The following CSE1L variants were observed in gnomAD, a reference collection of about 807,000 sequenced individuals.
CSE1L encodes exportin-2.
Under a neutral mutation model 120.4 loss-of-function variants are expected in CSE1L, and 24 were observed. The observed-to-expected ratio is 0.20, with a 90% CI of 0.14 to 0.28. CSE1L has a LOEUF of 0.28. Ranked by LOEUF, CSE1L falls within the 10% of genes least tolerant of loss-of-function variation. The pLI is 1.00. For missense variants in CSE1L, 830 were observed against 1,145.2 expected, an observed-to-expected ratio of 0.72 and a Z score of 3.97; for synonymous variants, 402 against 398.3, an observed-to-expected ratio of 1.01 and a Z score of -0.11.
chr20:49,087,930 G>A (rs576828169), intron 16 of CSE1L, 79 bp from the exon 17 acceptor site: 13 of 883,998 alleles, frequency 1.5e-5, no homozygotes, highest in Middle Eastern at 2.8e-4. Context: ...GAATTAGTGC[G>A]CTTTTTTCCC....
chr20:49,088,586 G>T (rs1462741858), intron 17 of CSE1L, among the ~76,000 whole-genome samples: 1 of 152,088 alleles, frequency 6.6e-6, no homozygotes, highest in Non-Finnish European at 1.5e-5. Context: ...AAATAAATCC[G>T]TTTAAGGCTG....
At chr20:49,051,500 G>A (rs7509369) in intron 1 of CSE1L, among the ~76,000 whole-genome samples, 54,907 of 152,070 alleles carry the variant, frequency 0.36, 10,743 homozygotes, top group African/African-American at 0.53. Flanking sequence ...CTGAGATCAC[G>A]CCACTGCACT....
At chr20:49,083,988 C>T in intron 14 of CSE1L, 38 bp from the exon 15 acceptor site, 1 of 1,580,050 alleles carries the variant, frequency 6.3e-7, no homozygotes, top group Non-Finnish European at 8.7e-7. Flanking sequence ...AATATGGAAT[C>T]ATTGCATTTA....
chr20:49,052,704 C>A (rs1045447577), intron 1 of CSE1L, among the ~76,000 whole-genome samples: 3 of 152,176 alleles, frequency 2.0e-5, no homozygotes, highest in African/African-American at 7.2e-5. Context: ...TCACAACTCA[C>A]AGCAGTCTCA....
chr20:49,057,694 C>T (rs770685905), intron 1 of CSE1L, among the ~76,000 whole-genome samples: 18 of 152,014 alleles, frequency 1.2e-4, no homozygotes, highest in Non-Finnish European at 2.4e-4. Context: ...TGCTATGGTG[C>T]GATCTCAGCT....
intron 16 of CSE1L, among the ~76,000 whole-genome samples, chr20:49,086,224 T>C (rs2145746895): frequency 6.6e-6 from 1 of 152,282 alleles, no homozygotes; most frequent in East Asian, 1.9e-4. Context: ...GGAAGCACTT[T>C]TCAGAGAAAC....
chr20:49,063,381 A>G (rs1216910736), intron 3 of CSE1L, 37 bp downstream of exon 3: 8 of 1,338,934 alleles, frequency 6.0e-6, no homozygotes, highest in Non-Finnish European at 8.2e-6. Context: ...AATACCCTGT[A>G]TGTTTATAAG....
chr20:49,083,908 A>G lies in CSE1L; in HGVS notation c.1483-118A>G, dbSNP rs529566815. 8.5e-6 allele frequency: 9 copies of G among 1,056,100 alleles called. No individual in the cohort carries two copies. The East Asian group carries it at 2.3e-4, about 27-fold the overall frequency. The allele number at this position is 1,056,100 out of a possible 1,614,324, so 65.4% of individuals were successfully genotyped here. ...TCTGGGCAGCAGCATCTCCTATTAT[A>G]ACAGAGCTTAAAAATAGCAAATTGT... is the stretch of plus-strand genomic sequence containing the variant. On this transcript the variant is annotated intron_variant, in intron 14 of 24. Transcript: ENST00000262982.
At chr20:49,091,386 A>G (rs1376770887) in intron 21 of CSE1L, among the ~76,000 whole-genome samples, 4 of 151,662 alleles carry the variant, frequency 2.6e-5, no homozygotes, top group Non-Finnish European at 5.9e-5. Flanking sequence ...GATTACACCC[A>G]CTGCACTCCA....
chr20:49,056,208 C>T (rs1263253887), intron 1 of CSE1L, among the ~76,000 whole-genome samples: 1 of 151,720 alleles, frequency 6.6e-6, no homozygotes. Context: ...CAGGTTCAAG[C>T]GATTCTCCTG....
intron 22 of CSE1L, 51 bp from the exon 23 acceptor site, chr20:49,094,089 T>G (rs764292507): frequency 8.7e-7 from 1 of 1,155,734 alleles, no homozygotes; most frequent in East Asian, 2.6e-5. Context: ...CATTTTACTA[T>G]TTCATTATAG....
chr20:49,075,300 TTTC>T lies in CSE1L; in HGVS notation c.1133-15_1133-13del, dbSNP rs774671963. On this transcript the variant is annotated splice_polypyrimidine_tract_variant and intron_variant, in intron 11 of 24. Transcript: ENST00000262982. ...GTTGTTTTTTTTCCCCATAATATAT[TTTC>T]TTTTCATTTCATAGATATTGATACT... 6.3e-7 allele frequency: 1 copy of T among 1,592,346 alleles called. No individual in the cohort carries two copies. Among genetic ancestry groups the T allele is most frequent in the South Asian group, 1.1e-5 (1 of 89,084 alleles).
intron 2 of CSE1L, among the ~76,000 whole-genome samples, chr20:49,061,792 C>T (rs531622856): frequency 5.3e-5 from 8 of 152,088 alleles, no homozygotes; most frequent in African/African-American, 7.2e-5. Flanking sequence ...TGTGAGCCAC[C>T]GCACCCGGCA....
At chr20:49,064,758 C>T (rs2091878019) in intron 3 of CSE1L, among the ~76,000 whole-genome samples, 1 of 151,390 alleles carries the variant, frequency 6.6e-6, no homozygotes, top group African/African-American at 2.4e-5. Context: ...GGTAGACATG[C>T]CAGCCCTCTC....
At chr20:49,047,376 G>A (rs551593046) in intron 1 of CSE1L, among the ~76,000 whole-genome samples, 2 of 152,052 alleles carry the variant, frequency 1.3e-5, no homozygotes, top group East Asian at 3.9e-4. Flanking sequence ...TCCTTAGCCA[G>A]TGTGGCTTTC....
At chr20:49,088,768 T>G (rs1781675959) in intron 17 of CSE1L, among the ~76,000 whole-genome samples, 1 of 152,138 alleles carries the variant, frequency 6.6e-6, no homozygotes, top group Non-Finnish European at 1.5e-5. Flanking sequence ...AACCCAAGTC[T>G]CCGCCTCCCA....
chr20:49,089,215 A>G, intron 17 of CSE1L, 32 bp from the exon 18 acceptor site: 8 of 1,495,990 alleles, frequency 5.3e-6, no homozygotes, highest in Non-Finnish European at 7.2e-6. Flanking sequence ...GTGGATTATT[A>G]GCATAATTAG....
chr20:49,063,288 A>T lies in CSE1L; in HGVS notation c.172A>T (p.Ile58Phe). 6.4e-7 allele frequency: 1 copy of T among 1,570,898 alleles called. No individual in the cohort carries two copies. Among genetic ancestry groups the T allele is most frequent in the Non-Finnish European group, 8.7e-7 (1 of 1,154,406 alleles). The part of the protein sequence containing the change: ...TLLEKSQDNV[I>F]KVCASVTFKN... ...ACTGGAGAAGTCCCAGGATAATGTT[A>T]TCAAAGTATGTGCTTCAGTAACATT... The change falls in exon 3 of 25, where the codon ATC becomes TTC. Residue 58 changes from isoleucine (I) to phenylalanine (F), a missense_variant. By Grantham distance (21) the Ile-to-Phe change is conservative. Coordinates refer to ENST00000262982, the MANE Select transcript of CSE1L (RefSeq NM_001316.4).
At chr20:49,084,002 C>G in intron 14 of CSE1L, 24 bp from the exon 15 acceptor site, 1 of 1,600,728 alleles carries the variant, frequency 6.2e-7, no homozygotes, top group East Asian at 2.2e-5. Context: ...GCATTTAGAG[C>G]ATGTATATTA....
Sources: gnomAD v4.1 joint callset for allele counts (sites outside exome capture counted in the v4.1 genomes callset) on GRCh38, gnomAD v4.1.1 for gene constraint, MANE v1.5 for transcripts, NCBI Gene and HGNC (gene_info 2026-07-23, HGNC 2026-07-21) for gene names.